Variants in ELMOD1 observed in about 807,000 individuals in gnomAD.
The protein encoded by ELMOD1 is ELMO domain-containing protein 1.
In ELMOD1, 21 loss-of-function variants were observed where a neutral mutation model predicts 46.7. The ratio of observed to expected loss-of-function variants is 0.45; its 90% CI spans 0.32 to 0.65. The LOEUF (loss-of-function observed/expected upper bound fraction) is 0.65, where lower values mean the gene tolerates loss of function less well. Among genes scored for constraint, ELMOD1 ranks in the 30% least tolerant of loss-of-function variants. The pLI is 0.04. For missense variants in ELMOD1, 348 were observed against 407.8 expected (o/e 0.85, Z 1.26); for synonymous variants, 122 against 138.2 (o/e 0.88, Z 0.82).
At chr11:107,639,068 T>C (rs1866277475) in intron 6 of ELMOD1, among the ~76,000 whole-genome samples, 1 of 152,180 alleles carries the variant, frequency 6.6e-6, no homozygotes, top group Admixed American at 6.5e-5. Flanking sequence ...GAGGATCACT[T>C]GTGCCCAGGA....
At chr11:107,633,731 A>G (rs952349452) in intron 5 of ELMOD1, among the ~76,000 whole-genome samples, 1 of 151,952 alleles carries the variant, frequency 6.6e-6, no homozygotes, top group East Asian at 1.9e-4. Context: ...GCACCCGGCC[A>G]GAGAAAATTT....
chr11:107,607,150 C>T (rs900356903), intron 1 of ELMOD1, among the ~76,000 whole-genome samples: 8 of 152,148 alleles, frequency 5.3e-5, no homozygotes, highest in African/African-American at 1.9e-4. Flanking sequence ...CTGTTTGATT[C>T]CAAAATCTCC....
At chr11:107,628,639 A>G (rs896700207) in intron 2 of ELMOD1, among the ~76,000 whole-genome samples, 2 of 151,872 alleles carry the variant, frequency 1.3e-5, no homozygotes, top group South Asian at 4.1e-4. Context: ...AATGAACAGT[A>G]AATCCATTTT....
At position 107,591,475 on chromosome 11, in the gene ELMOD1, G is replaced by T. The variant is rs544104709; in HGVS notation, c.-86+66G>T. 2.6e-5 allele frequency: 5 copies of T among 195,274 alleles called. No homozygotes were observed. In the South Asian group the frequency reaches 3.1e-4, roughly 12 times the overall value. 12.1% of individuals were successfully genotyped at this position (195,274 alleles called of 1,614,324 possible). On this transcript the variant is annotated intron_variant, in intron 1 of 11. Transcript: ENST00000265840. Reference sequence around the variant, plus strand: ...ATGCCCTTGGGGAGGAGAGAGGTGCGGCGAGGACGCGAGGCATCACGCAAG... The same window carrying T: ...ATGCCCTTGGGGAGGAGAGAGGTGCTGCGAGGACGCGAGGCATCACGCAAG...
At position 107,614,583 on chromosome 11, in the gene ELMOD1, C is replaced by T. The variant is rs1290608498; in HGVS notation, c.-85-3522C>T. On this transcript the variant is annotated intron_variant, in intron 1 of 11. Transcript: ENST00000265840. ...CGATCTCCTGACCTCGTGATCCACCCGCCTCGGCCTCCCAAAGTGCTGGGA... is the reference window on the plus strand; with the variant it reads ...CGATCTCCTGACCTCGTGATCCACCTGCCTCGGCCTCCCAAAGTGCTGGGA... 4.6e-5 allele frequency among the ~76,000 whole-genome samples: 7 copies of T among 152,186 alleles called. No homozygotes were observed. In the South Asian group the frequency reaches 6.2e-4, roughly 14 times the overall value.
At chr11:107,621,719 G>A (rs935775359) in intron 2 of ELMOD1, among the ~76,000 whole-genome samples, 3 of 61,454 alleles carry the variant, frequency 4.9e-5, no homozygotes, top group African/African-American at 7.0e-5. Flanking sequence ...GTGAGGTATT[G>A]TAGGTGATTC....
chr11:107,646,716 C>G (rs1866432274), intron 6 of ELMOD1, among the ~76,000 whole-genome samples: 1 of 151,078 alleles, frequency 6.6e-6, no homozygotes, highest in Non-Finnish European at 1.5e-5. Flanking sequence ...GCCTGGGCAA[C>G]AGAGTAAGAG....
At chr11:107,642,394 A>G (rs1384494935) in intron 6 of ELMOD1, among the ~76,000 whole-genome samples, 2 of 151,714 alleles carry the variant, frequency 1.3e-5, no homozygotes, top group African/African-American at 4.8e-5. Context: ...TTTGAGATGG[A>G]GTCTCACTCT....
At chr11:107,664,675 T>G (rs1463589164) in intron 11 of ELMOD1, among the ~76,000 whole-genome samples, 1 of 152,132 alleles carries the variant, frequency 6.6e-6, no homozygotes, top group Non-Finnish European at 1.5e-5. Context: ...GACCGTCACA[T>G]TAATTTAATT....
At chr11:107,632,345 G>T (rs1866155191) in intron 5 of ELMOD1, among the ~76,000 whole-genome samples, 1 of 152,190 alleles carries the variant, frequency 6.6e-6, no homozygotes, top group Non-Finnish European at 1.5e-5. Flanking sequence ...TTTAGAGAAG[G>T]TTTTAGGTTG....
At chr11:107,655,526 A>G (rs1413344003) in intron 10 of ELMOD1, among the ~76,000 whole-genome samples, 2 of 150,586 alleles carry the variant, frequency 1.3e-5, no homozygotes, top group African/African-American at 4.9e-5. Context: ...TGCCACTCTG[A>G]TAATTTAATA....
chr11:107,651,647 T>C (rs1212764558), intron 9 of ELMOD1, among the ~76,000 whole-genome samples: 2 of 152,232 alleles, frequency 1.3e-5, no homozygotes, highest in African/African-American at 2.4e-5. Context: ...TTTCTTGTTA[T>C]ATGGTTAAAA....
In ELMOD1 at chr11:107,650,337, A is replaced by G. The variant is rs754705721; in HGVS notation, c.557A>G (p.Tyr186Cys). The G allele has an allele frequency of 3.2e-6, 5 of 1,580,234 alleles. No individual in the cohort carries two copies. Among genetic ancestry groups the G allele is most frequent in the Non-Finnish European group, 4.3e-6 (5 of 1,161,044 alleles). Residue 186 changes from tyrosine to cysteine, a missense_variant and splice_region_variant, in exon 8 of 12, where the codon TAT becomes TGT. Coordinates refer to ENST00000265840, the MANE Select transcript of ELMOD1 (RefSeq NM_018712.4). The stretch of plus-strand genomic sequence containing the variant: ...GTTTTCTTTCCCTCCCGCTGCAGGT[A>G]TTTCGCGGAAAGGGATGCCACAGCA... ...MGLLGLYNLQ[Y>C]FAERDATAAQ... is the part of the protein sequence containing the mutation.
chr11:107,635,891 TG>T, intron 6 of ELMOD1, 126 bp downstream of exon 6: 1 of 975,856 alleles, frequency 1.0e-6, no homozygotes, highest in Non-Finnish European at 1.4e-6. Context: ...GGCACCTAAC[TG>T]GTTGGTAAGG....
chr11:107,664,647 A>G (rs475875), intron 11 of ELMOD1, among the ~76,000 whole-genome samples: 34,636 of 152,050 alleles, frequency 0.23, 7,842 homozygotes, highest in African/African-American at 0.58. Flanking sequence ...GTCCGAGTGG[A>G]GTGATTTTGA....
Position 107,665,364 on chromosome 11 carries a change from C to A in ELMOD1, c.*167C>A. 1.5e-6 allele frequency: 1 copy of A among 684,586 alleles called. No individual in the cohort carries two copies. The highest frequency in any genetic ancestry group is 2.4e-6 in the Non-Finnish European group (1 of 415,352). 42.4% of individuals were successfully genotyped at this position (684,586 alleles called of 1,614,324 possible). A position where few individuals can be genotyped will look rare whatever the true frequency, so the allele number is the denominator to read the frequency against. The stretch of plus-strand genomic sequence containing the variant: ...ATAATTCCGAGATCCCCAGAGACCA[C>A]TGTTTCTGGAGTATCTGTCATCCAG... On this transcript the variant is annotated 3_prime_UTR_variant, in exon 12 of 12. Transcript: ENST00000265840.
At chr11:107,636,598 T>C (rs1046493810) in intron 6 of ELMOD1, among the ~76,000 whole-genome samples, 1 of 152,226 alleles carries the variant, frequency 6.6e-6, no homozygotes, top group African/African-American at 2.4e-5. Context: ...GCTGCCTTTA[T>C]TTTATTGAAA....
intron 11 of ELMOD1, among the ~76,000 whole-genome samples, chr11:107,658,055 C>T (rs1057111560): frequency 2.0e-5 from 3 of 152,036 alleles, no homozygotes; most frequent in African/African-American, 7.2e-5. Flanking sequence ...GACTATGTGG[C>T]TGGGGTGAGT....
chr11:107,608,230 G>A (rs1316767749), intron 1 of ELMOD1, among the ~76,000 whole-genome samples: 1 of 151,840 alleles, frequency 6.6e-6, no homozygotes, highest in Non-Finnish European at 1.5e-5. Context: ...AGGCAATTAG[G>A]GAAACCTAAA....
Sources: allele counts gnomAD v4.1 joint callset (sites outside exome capture counted in the v4.1 genomes callset), GRCh38; gene constraint gnomAD v4.1.1; transcripts MANE v1.5; gene names NCBI Gene and HGNC (gene_info 2026-07-23, HGNC 2026-07-21).